PLCB4: variants seen among roughly 807,000 people sequenced by gnomAD.
PLCB4 encodes phospholipase C beta 4.
Under a neutral mutation model 178.8 loss-of-function variants are expected in PLCB4, and 77 were observed. The ratio of observed to expected loss-of-function variants is 0.43; its 90% CI spans 0.36 to 0.52. PLCB4 has a LOEUF of 0.52. Ranked by LOEUF, PLCB4 falls within the 20% of genes least tolerant of loss-of-function variation. The probability of loss-of-function intolerance (pLI) is 0.00; values close to 1 mark genes in which losing one functional copy is unlikely to be tolerated. For synonymous variants in PLCB4, 496 were observed against 490.8 expected, an observed-to-expected ratio of 1.01 and a Z score of -0.14; for missense variants, 1,024 against 1,453.4, an observed-to-expected ratio of 0.70 and a Z score of 4.80.
chr20:9,119,621 A>G (rs559742328), intron 2 of PLCB4, among the ~76,000 whole-genome samples: 167 of 152,222 alleles, frequency 1.1e-3, no homozygotes, highest in South Asian at 2.1e-3. Flanking sequence ...ACATCTATCT[A>G]TATCTTCTTT....
intron 38 of PLCB4, among the ~76,000 whole-genome samples, chr20:9,474,512 C>T (rs889493651): frequency 2.0e-5 from 3 of 152,098 alleles, no homozygotes; most frequent in African/African-American, 7.2e-5. Context: ...AATTTAGAAA[C>T]GGAGAGGTTT....
At chr20:9,277,409 A>G (rs2094459559) in intron 3 of PLCB4, among the ~76,000 whole-genome samples, 1 of 152,044 alleles carries the variant, frequency 6.6e-6, no homozygotes, top group South Asian at 2.1e-4. Context: ...CCCTGAGAAC[A>G]TAAGATTACT....
chr20:9,416,097 C>T (rs537860990), intron 25 of PLCB4, among the ~76,000 whole-genome samples: 2 of 152,276 alleles, frequency 1.3e-5, no homozygotes, highest in Non-Finnish European at 2.9e-5. Flanking sequence ...CAAAATGAAC[C>T]CATTTCACCG....
At chr20:9,391,829 G>GA (rs2038171635) in intron 17 of PLCB4, among the ~76,000 whole-genome samples, 1 of 152,158 alleles carries the variant, frequency 6.6e-6, no homozygotes, top group South Asian at 2.1e-4. Flanking sequence ...CCCGAGGTGG[G>GA]ATAACCCTGA....
intron 2 of PLCB4, among the ~76,000 whole-genome samples, chr20:9,105,532 A>T (rs1344704298): frequency 6.6e-6 from 1 of 152,114 alleles, no homozygotes; most frequent in Non-Finnish European, 1.5e-5. Flanking sequence ...TACAAGAAAT[A>T]CTTATGAGGG....
At chr20:9,134,675 C>G (rs1405076560) in intron 2 of PLCB4, among the ~76,000 whole-genome samples, 1 of 152,074 alleles carries the variant, frequency 6.6e-6, no homozygotes, top group Non-Finnish European at 1.5e-5. Context: ...GGAGCATCCC[C>G]CATGATCCCA....
intron 7 of PLCB4, among the ~76,000 whole-genome samples, chr20:9,350,462 T>C (rs1568632319): frequency 6.6e-6 from 1 of 152,358 alleles, no homozygotes; most frequent in East Asian, 1.9e-4. Flanking sequence ...GTCCAGTAAG[T>C]GGTGTTTTGA....
intron 2 of PLCB4, among the ~76,000 whole-genome samples, chr20:9,173,875 G>T (rs67850818): frequency 0.23 from 35,543 of 151,852 alleles, 4,387 homozygotes; most frequent in African/African-American, 0.31. Flanking sequence ...CCACCTTCAG[G>T]GAAGCATCTA....
At chr20:9,304,768 G>T (rs1208785747) in intron 3 of PLCB4, among the ~76,000 whole-genome samples, 1 of 81,460 alleles carries the variant, frequency 1.2e-5, no homozygotes, top group African/African-American at 4.0e-5. Context: ...TTCTCTTGAA[G>T]TCTGTTTGTC....
chr20:9,215,473 A>G (rs1055156031), intron 2 of PLCB4, among the ~76,000 whole-genome samples: 10 of 152,158 alleles, frequency 6.6e-5, no homozygotes, highest in Admixed American at 2.0e-4. Flanking sequence ...TGGATTATAA[A>G]TGATGATTCA....
chr20:9,401,620 A>C, intron 20 of PLCB4, 30 bp downstream of exon 20: 114 of 1,393,656 alleles, frequency 8.2e-5, no homozygotes, highest in Non-Finnish European at 1.1e-4. Context: ...CATCACTCTC[A>C]AGAGGTAGCA....
chr20:9,248,130 A>G (rs546442269), intron 3 of PLCB4, among the ~76,000 whole-genome samples: 11 of 151,956 alleles, frequency 7.2e-5, no homozygotes, highest in Non-Finnish European at 1.2e-4. Flanking sequence ...TATATTACAT[A>G]TATATTATAT....
rs549492001 is a variant in PLCB4, at chr20:9,372,476, T to A, written c.686+73T>A. ...TTTTCGATTTTTTAAAACGTTTTTG[T>A]CCTATTTTAATAGAGTATGTTGGTA... On this transcript the variant is annotated intron_variant, in intron 11 of 39. Coordinates refer to ENST00000378473, the MANE Select transcript of PLCB4 (RefSeq NM_001377142.1). 1.6e-4 allele frequency: 118 copies of A among 742,710 alleles called. 2 individuals carry two copies. In the South Asian group the frequency reaches 1.8e-3, roughly 12 times the overall value. 46.0% of individuals were successfully genotyped at this position (742,710 alleles called of 1,614,324 possible). A position where few individuals can be genotyped will look rare whatever the true frequency, so the allele number is the denominator to read the frequency against.
rs1351294761 is a variant in PLCB4 at position 9,479,930 on chromosome 20, A to G, written c.*921A>G. The G allele has an allele frequency of 6.6e-6, 1 of 152,496 alleles. No individual in the cohort carries two copies. Among genetic ancestry groups the G allele is most frequent in the Non-Finnish European group, 1.5e-5 (1 of 68,046 alleles). The allele number at this position is 152,496 out of a possible 1,614,324, so 9.4% of individuals were successfully genotyped here. ...CCATACACAGTTAACCTAATGCCAA[A>G]TAAATACTGGTTAAATAAATGTATG... On this transcript the variant is annotated 3_prime_UTR_variant, in exon 40 of 40. Transcript: ENST00000378473.
chr20:9,176,256 CATGTGTAT>C (rs1335476247), intron 2 of PLCB4, among the ~76,000 whole-genome samples: 2 of 152,232 alleles, frequency 1.3e-5, no homozygotes, highest in East Asian at 3.9e-4. Flanking sequence ...TGTTGATGGG[CATGTGTAT>C]ATTTCCAGTG....
intron 35 of PLCB4, among the ~76,000 whole-genome samples, chr20:9,460,812 A>G (rs2043341815): frequency 6.6e-6 from 1 of 152,236 alleles, no homozygotes; most frequent in African/African-American, 2.4e-5. Context: ...CTTTGGAGTG[A>G]CAGATACTGC....
intron 20 of PLCB4, among the ~76,000 whole-genome samples, chr20:9,404,060 A>T (rs1392356737): frequency 6.6e-6 from 1 of 152,188 alleles, no homozygotes; most frequent in African/African-American, 2.4e-5. Context: ...AGGGCACCTG[A>T]GGAGTCAAGG....
intron 3 of PLCB4, among the ~76,000 whole-genome samples, chr20:9,285,917 G>A (rs534398209): frequency 6.6e-6 from 1 of 152,016 alleles, no homozygotes; most frequent in Admixed American, 6.6e-5. Flanking sequence ...CCATAAATGC[G>A]TAGACATCAT....
intron 2 of PLCB4, among the ~76,000 whole-genome samples, chr20:9,143,891 A>G (rs530590694): frequency 6.6e-6 from 1 of 152,238 alleles, no homozygotes; most frequent in East Asian, 1.9e-4. Context: ...TTCCTTCTGC[A>G]AAAGGGATCT....
Sources: allele counts gnomAD v4.1 joint callset (sites outside exome capture counted in the v4.1 genomes callset), GRCh38; gene constraint gnomAD v4.1.1; transcripts MANE v1.5; gene names NCBI Gene and HGNC (gene_info 2026-07-23, HGNC 2026-07-21).